The following PRKN variants were observed in gnomAD, a reference collection of about 807,000 sequenced individuals.
The protein encoded by PRKN is E3 ubiquitin-protein ligase parkin.
Under a neutral mutation model 59.5 loss-of-function variants are expected in PRKN, and 56 were observed. The ratio of observed to expected loss-of-function variants is 0.94; its 90% CI spans 0.76 to 1.18. The LOEUF (loss-of-function observed/expected upper bound fraction) is 1.18. Among genes scored for constraint, PRKN ranks in the 50% most tolerant of loss-of-function variants. PRKN has a pLI of 0.00. For missense variants in PRKN, 657 were observed against 596.4 expected (o/e 1.10, Z -1.06); for synonymous variants, 250 against 222.1 (o/e 1.13, Z -1.12).
rs1786242177 is a variant in PRKN, at chr6:161,386,352, T to TA, written c.1167+441dup. On this transcript the variant is annotated intron_variant, in intron 10 of 11. Transcript: ENST00000366898. This position sits in a 1 kb window ranked among gnomAD's most constrained non-coding sequence, Gnocchi z 4.3. Reference sequence around the variant, plus strand: ...CAGTTAGCATAGGGCATGATGCTGCTAAAGGACAATGATATCCTTACATAA... The same window carrying TA: ...CAGTTAGCATAGGGCATGATGCTGCTAAAAGGACAATGATATCCTTACATAA... 1.3e-5 allele frequency among the ~76,000 whole-genome samples: 2 copies of TA among 152,232 alleles called. No individual in the cohort carries two copies. Among genetic ancestry groups the TA allele is most frequent in the Admixed American group, 1.3e-4 (2 of 15,282 alleles).
At chr6:161,934,987 G>C (rs1779300535) in intron 6 of PRKN, among the ~76,000 whole-genome samples, 1 of 152,118 alleles carries the variant, frequency 6.6e-6, no homozygotes, top group Non-Finnish European at 1.5e-5. Context: ...TATTTTAAGA[G>C]TTGCACAGGA....
At chr6:161,655,916 A>G (rs1582955584) in intron 7 of PRKN, among the ~76,000 whole-genome samples, 4 of 136,170 alleles carry the variant, frequency 2.9e-5, no homozygotes. Flanking sequence ...ACACACACAC[A>G]CGGTCATATG....
chr6:161,407,675 G>A lies in PRKN; in HGVS notation c.1084-20798C>T, dbSNP rs1349947022. 1.3e-5 allele frequency among the ~76,000 whole-genome samples: 2 copies of A among 152,132 alleles called. No homozygotes were observed. Among genetic ancestry groups the A allele is most frequent in the African/African-American group, 4.8e-5 (2 of 41,402 alleles). On this transcript the variant is annotated intron_variant, in intron 9 of 11. Coordinates refer to ENST00000366898, the MANE Select transcript of PRKN (RefSeq NM_004562.3). The surrounding 1 kb of genome is among the most constrained non-coding windows in gnomAD (Gnocchi z 4.9). The stretch of plus-strand genomic sequence containing the variant: ...GTGACCTGCACATATACGTCCAGAT[G>A]GCCTGCAGGAGCCAAGAAGTCTGAA...
intron 2 of PRKN, among the ~76,000 whole-genome samples, chr6:162,292,313 T>C (rs1781470978): frequency 1.3e-5 from 2 of 152,124 alleles, no homozygotes; most frequent in African/African-American, 4.8e-5. Flanking sequence ...TCAAAGACAT[T>C]CAATTAATCA....
intron 5 of PRKN, among the ~76,000 whole-genome samples, chr6:161,996,685 CT>C (rs143117786): frequency 0.079 from 11,991 of 151,932 alleles, 538 homozygotes; most frequent in Middle Eastern, 0.11. Context: ...TATTTCAATA[CT>C]TTTATATTTA....
intron 2 of PRKN, among the ~76,000 whole-genome samples, chr6:162,398,479 C>T (rs1006107093): frequency 3.3e-5 from 5 of 152,082 alleles, no homozygotes; most frequent in Admixed American, 2.6e-4. Flanking sequence ...AAACCTCTGC[C>T]TCCTGGGTGC....
rs1490306861 is a variant in PRKN, at chr6:161,390,404, T to A, written c.1084-3527A>T. Among the ~76,000 whole-genome samples the A allele has an allele frequency of 6.6e-6, 1 of 152,242 alleles. No homozygotes were observed. The highest frequency in any genetic ancestry group is 1.5e-5 in the Non-Finnish European group (1 of 68,044). On this transcript the variant is annotated intron_variant, in intron 9 of 11. Transcript: ENST00000366898. This position sits in a 1 kb window ranked among gnomAD's most constrained non-coding sequence, Gnocchi z 7.0. ...CTATTTTCCTTTTGGTGACATTGTATCTTTGCAAAGGTGGGCTTTTGGAAG... is the reference window on the plus strand; with the variant it reads ...CTATTTTCCTTTTGGTGACATTGTAACTTTGCAAAGGTGGGCTTTTGGAAG...
chr6:161,701,412 T>G (rs1583025330), intron 7 of PRKN, among the ~76,000 whole-genome samples: 1 of 152,196 alleles, frequency 6.6e-6, no homozygotes, highest in East Asian at 1.9e-4. Flanking sequence ...AAAACAATAA[T>G]GTAAAATGAA....
intron 1 of PRKN, among the ~76,000 whole-genome samples, chr6:162,563,038 C>G (rs1779911288): frequency 6.6e-6 from 1 of 152,174 alleles, no homozygotes; most frequent in African/African-American, 2.4e-5. Flanking sequence ...CGCAGTGGCT[C>G]ACGCCTGTAA....
At chr6:161,862,634 A>G (rs1016483251) in intron 6 of PRKN, among the ~76,000 whole-genome samples, 2 of 152,110 alleles carry the variant, frequency 1.3e-5, no homozygotes, top group Non-Finnish European at 2.9e-5. Context: ...CTTTTGGTCT[A>G]CTGAGCCTGT....
chr6:161,408,576 CA>C (rs1280052495), intron 9 of PRKN, among the ~76,000 whole-genome samples: 1 of 148,486 alleles, frequency 6.7e-6, no homozygotes, highest in Non-Finnish European at 1.5e-5. Context: ...TTCCACTTAA[CA>C]ATATTGAGGG....
In PRKN at chr6:161,371,116, A is replaced by G. The variant is rs1785426400; in HGVS notation, c.1168-10911T>C. Among the ~76,000 whole-genome samples the G allele has an allele frequency of 6.6e-6, 1 of 152,134 alleles. No homozygotes were observed. Among genetic ancestry groups the G allele is most frequent in the African/African-American group, 2.4e-5 (1 of 41,434 alleles). On this transcript the variant is annotated intron_variant, in intron 10 of 11. Transcript: ENST00000366898. This position sits in a 1 kb window ranked among gnomAD's most constrained non-coding sequence, Gnocchi z 5.5. ...TTTGTTGTTCTCACATTGTCTTATGACTATCTCTTTTTGGAGAATATGTAT... is the reference window on the plus strand; with the variant it reads ...TTTGTTGTTCTCACATTGTCTTATGGCTATCTCTTTTTGGAGAATATGTAT...
chr6:161,994,026 C>T (rs914918142), intron 5 of PRKN, among the ~76,000 whole-genome samples: 7 of 152,140 alleles, frequency 4.6e-5, no homozygotes, highest in Admixed American at 1.3e-4. Flanking sequence ...CTACCTCTAA[C>T]ATTGGTGATG....
intron 6 of PRKN, among the ~76,000 whole-genome samples, chr6:161,841,292 C>T (rs1583232684): frequency 1.3e-5 from 2 of 151,916 alleles, no homozygotes; most frequent in East Asian, 1.9e-4. Context: ...CTTGACCCAA[C>T]GTTAGTCAGG....
chr6:161,974,095 C>T (rs1485739344), intron 5 of PRKN, among the ~76,000 whole-genome samples: 2 of 152,186 alleles, frequency 1.3e-5, no homozygotes, highest in Non-Finnish European at 2.9e-5. Context: ...GGCGAAACCC[C>T]ATCTCTACTA....
rs529419332 is a variant in PRKN, at chr6:162,120,138, G to A, written c.535-65964C>T. 3.7e-4 allele frequency among the ~76,000 whole-genome samples: 56 copies of A among 152,200 alleles called. 1 individual carries two copies. In the South Asian group the frequency reaches 0.012, roughly 32 times the overall value. The stretch of plus-strand genomic sequence containing the variant: ...GCTCCAGTGATCCTCCCACATCGAC[G>A]AGTAACTGGGACCACAAGCACACCC... On this transcript the variant is annotated intron_variant, in intron 4 of 11. Coordinates refer to ENST00000366898, the MANE Select transcript of PRKN (RefSeq NM_004562.3).
chr6:162,645,167 T>C (rs560155868), intron 1 of PRKN, among the ~76,000 whole-genome samples: 14 of 152,304 alleles, frequency 9.2e-5, no homozygotes, highest in Admixed American at 2.6e-4. Context: ...TACTATTCTA[T>C]TGAATACTGA....
chr6:161,841,643 C>A (rs929876554), intron 6 of PRKN, among the ~76,000 whole-genome samples: 5 of 152,158 alleles, frequency 3.3e-5, no homozygotes, highest in African/African-American at 4.8e-5. Context: ...AGCCACCACG[C>A]CTGGCCCACT....
chr6:161,580,055 A>G, intron 7 of PRKN, among the ~76,000 whole-genome samples: 1 of 152,208 alleles, frequency 6.6e-6, no homozygotes, highest in East Asian at 1.9e-4. Context: ...ATACATTTGA[A>G]AGAGATTATG....
Sources: allele counts gnomAD v4.1 joint callset (sites outside exome capture counted in the v4.1 genomes callset), GRCh38; gene constraint gnomAD v4.1.1; non-coding constraint Gnocchi (gnomAD v3.1); transcripts MANE v1.5; gene names NCBI Gene and HGNC (gene_info 2026-07-23, HGNC 2026-07-21).